Variants in ZBBX observed in about 807,000 individuals in gnomAD.
ZBBX encodes the protein zinc finger B-box domain-containing protein 1.
ZBBX carries 101 observed loss-of-function variants against 108.5 expected under a neutral mutation model. The ratio of observed to expected loss-of-function variants is 0.93; its 90% confidence interval spans 0.79 to 1.10. The LOEUF (loss-of-function observed/expected upper bound fraction) is 1.10, where lower values mean the gene tolerates loss of function less well. ZBBX is among the 50% of genes least tolerant of loss of function. The pLI is 0.00. For synonymous variants in ZBBX, 356 were observed against 323.4 expected (o/e 1.10, Z -1.08); for missense variants, 1,009 against 941.4 (o/e 1.07, Z -0.94).
intron 16 of ZBBX, among the ~76,000 whole-genome samples, chr3:167,306,501 C>G (rs1196790696): frequency 6.6e-6 from 1 of 152,154 alleles, no homozygotes; most frequent in Non-Finnish European, 1.5e-5. Context: ...ATTATGTCTG[C>G]TTTAAATAAA....
rs758333909 is a variant in ZBBX, at chr3:167,372,885, A to G, written c.17T>C (p.Phe6Ser). Reference protein sequence around the residue: MNRKDFVVLPWGKPGN... With the variant: MNRKDSVVLPWGKPGN... ...AGGTTTTCCCCATGGAAGAACTACA[A>G]AATCTTTTCTGTTCATGATTACCAC... Residue 6 changes from phenylalanine (F) to serine (S), a missense_variant, in exon 4 of 22, where the codon TTT becomes TCT. Physicochemically the swap from Phe to Ser is radical, Grantham distance 155. Coordinates refer to ENST00000675490, the MANE Select transcript of ZBBX (RefSeq NM_001199201.2). The G allele has an allele frequency of 1.2e-6, 2 of 1,602,842 alleles. No individual in the cohort carries two copies. Among genetic ancestry groups the G allele is most frequent in the Non-Finnish European group, 8.5e-7 (1 of 1,174,354 alleles).
the ZBBX span, among the ~76,000 whole-genome samples, chr3:167,186,997 T>C: frequency 6.6e-6 from 1 of 152,292 alleles, no homozygotes; most frequent in Non-Finnish European, 1.5e-5. Context: ...AATACTATAT[T>C]TCTATACAGG....
chr3:167,228,016 G>A, the ZBBX span, among the ~76,000 whole-genome samples: 1 of 151,578 alleles, frequency 6.6e-6, no homozygotes, highest in African/African-American at 2.4e-5. Context: ...TATATCTTAG[G>A]TCTAGATTCT....
Position 167,305,694 on chromosome 3 carries a change from A to G in ZBBX, c.1674T>C (p.Asn558=), listed in dbSNP as rs748752198. 3.1e-6 allele frequency: 5 copies of G among 1,608,514 alleles called. No homozygotes were observed. Among genetic ancestry groups the G allele is most frequent in the Non-Finnish European group, 4.2e-6 (5 of 1,178,418 alleles). The part of the protein sequence containing the change: ...QDIKESLELS[N]LYKRPSFEES... ...CTTCAAAGCTTGGCCTCTTATACAG[A>G]TTGCTCAATTCCAAGGATTCTTTGA... The change falls in exon 17 of 22, where the codon AAT becomes AAC. Residue 558 remains asparagine (N), a synonymous_variant. Coordinates refer to ENST00000675490, the MANE Select transcript of ZBBX (RefSeq NM_001199201.2).
chr3:167,394,961 C>A (rs1238292146), intron 1 of ZBBX, among the ~76,000 whole-genome samples: 2 of 152,008 alleles, frequency 1.3e-5, no homozygotes, highest in Non-Finnish European at 2.9e-5. Context: ...GTCTTGTGAG[C>A]CATGAGTTAG....
chr3:167,183,581 G>A, the ZBBX span, among the ~76,000 whole-genome samples: 15 of 152,216 alleles, frequency 9.9e-5, no homozygotes, highest in African/African-American at 3.6e-4. Context: ...TTATCGACAG[G>A]AAGCCGCCAG....
At chr3:167,330,964 T>TCTCTCTCTCTCTCTCTCTCTCTCTCC (rs1310209358) in intron 10 of ZBBX, among the ~76,000 whole-genome samples, 3 of 145,830 alleles carry the variant, frequency 2.1e-5, no homozygotes, top group African/African-American at 2.5e-5. Context: ...TCTCTCTCTC[T>TCTCTCTCTCTCTCTCTCTCTCTCTCC]CCCCCACTCC....
At chr3:167,239,332 T>G (rs1720362466), downstream of ZBBX, among the ~76,000 whole-genome samples, 1 of 152,090 alleles carries the variant, frequency 6.6e-6, no homozygotes, top group Admixed American at 6.6e-5. Flanking sequence ...CAGAAACATC[T>G]AGAATATAAT....
At chr3:167,338,787 C>T (rs13082123) in intron 9 of ZBBX, among the ~76,000 whole-genome samples, 54,986 of 151,842 alleles carry the variant, frequency 0.36, 10,749 homozygotes, top group Non-Finnish European at 0.44. Context: ...GAGAGAGATA[C>T]ACACATATAC....
At chr3:167,352,263 G>C (rs557198040) in intron 8 of ZBBX, among the ~76,000 whole-genome samples, 44 of 152,128 alleles carry the variant, frequency 2.9e-4, no homozygotes, top group African/African-American at 1.0e-3. Context: ...AAAAATGAGA[G>C]AGGATTCAAA....
At chr3:167,307,166 C>G (rs1419769106) in intron 16 of ZBBX, among the ~76,000 whole-genome samples, 2 of 152,066 alleles carry the variant, frequency 1.3e-5, no homozygotes, top group Non-Finnish European at 2.9e-5. Flanking sequence ...AACCCAGAGC[C>G]AACATCATAC....
intron 4 of ZBBX, among the ~76,000 whole-genome samples, chr3:167,371,461 A>G (rs1330269219): frequency 6.6e-6 from 1 of 152,156 alleles, no homozygotes; most frequent in Non-Finnish European, 1.5e-5. Flanking sequence ...GCCTTTACAC[A>G]TCACACCATG....
chr3:167,271,783 C>T (rs143936224), intron 20 of ZBBX, among the ~76,000 whole-genome samples: 10 of 152,304 alleles, frequency 6.6e-5, no homozygotes, highest in East Asian at 1.9e-4. Context: ...AGTGACTACA[C>T]GGAAATGCCC....
At chr3:167,209,742 G>A in the ZBBX span, among the ~76,000 whole-genome samples, 1 of 152,120 alleles carries the variant, frequency 6.6e-6, no homozygotes, top group South Asian at 2.1e-4. Context: ...ACTAAATAAG[G>A]CACCAGGGAA....
chr3:167,270,913 A>T (rs1048844597), intron 20 of ZBBX, among the ~76,000 whole-genome samples: 2 of 152,230 alleles, frequency 1.3e-5, no homozygotes, highest in African/African-American at 4.8e-5. Flanking sequence ...TTAATTGACT[A>T]CCAAAGGTCA....
rs779493412 is a variant in ZBBX at position 167,372,850 on chromosome 3, C to CA, written c.51dup (p.Val18CysfsTer6). 2 of 1,577,196 alleles carry CA rather than the reference C, an allele frequency of 1.3e-6. No individual in the cohort carries two copies. The highest frequency in any genetic ancestry group is 3.5e-5 in the Admixed American group (2 of 57,818). On this transcript the variant is annotated frameshift_variant, in exon 4 of 22. Coordinates refer to ENST00000675490, the MANE Select transcript of ZBBX (RefSeq NM_001199201.2). LOFTEE classifies it high-confidence loss of function. ...TGAACTCACCTATATTTTAGCTTTA[C>CA]AGAATTTCCAGGTTTTCCCCATGGA...
chr3:167,222,896 T>G, the ZBBX span, among the ~76,000 whole-genome samples: 1 of 151,952 alleles, frequency 6.6e-6, no homozygotes, highest in Non-Finnish European at 1.5e-5. Context: ...ATGACTATAT[T>G]TAACAACAAT....
downstream of ZBBX, among the ~76,000 whole-genome samples, chr3:167,236,647 T>C (rs1213095193): frequency 6.6e-6 from 1 of 151,700 alleles, no homozygotes; most frequent in African/African-American, 2.4e-5. Flanking sequence ...TGGGAAAATG[T>C]AGGGACCGAC....
At chr3:167,255,687 A>C (rs1289267010) in intron 20 of ZBBX, among the ~76,000 whole-genome samples, 2 of 152,064 alleles carry the variant, frequency 1.3e-5, no homozygotes, top group Non-Finnish European at 2.9e-5. Context: ...AGTACAAAGT[A>C]GGTATATATA....
Sources: gnomAD v4.1 joint callset for allele counts (sites outside exome capture counted in the v4.1 genomes callset) on GRCh38, gnomAD v4.1.1 for gene constraint, MANE v1.5 for transcripts, NCBI Gene and HGNC (gene_info 2026-07-23, HGNC 2026-07-21) for gene names.